Variants in B4GALNT4 observed in about 807,000 individuals in gnomAD.
The protein encoded by B4GALNT4 is beta-1,4-N-acetyl-galactosaminyltransferase 4.
B4GALNT4 carries 77 observed loss-of-function variants against 110.0 expected under a neutral mutation model. That is an observed-to-expected ratio of 0.70 (90% CI 0.58 to 0.85). The LOEUF (loss-of-function observed/expected upper bound fraction) is 0.85, where lower values mean the gene tolerates loss of function less well. B4GALNT4 is among the 40% of genes least tolerant of loss of function. B4GALNT4 has a pLI of 0.00. For synonymous variants in B4GALNT4, 785 were observed against 655.5 expected (o/e 1.20, Z -3.02); for missense variants, 1,575 against 1,506.0 (o/e 1.05, Z -0.76).
rs1250619711 is a variant in B4GALNT4, at chr11:381,800, C to T, written c.*8C>T. 19 of 1,564,006 alleles carry T rather than the reference C, an allele frequency of 1.2e-5. No individual in the cohort carries two copies. Among genetic ancestry groups the T allele is most frequent in the Non-Finnish European group, 1.6e-5 (19 of 1,160,356 alleles). ...CGCACGGGGGCGTCTTGAGGACGGG[C>T]AGCCCCTCCCAGCCCCGGTGGGAGT... is the stretch of plus-strand genomic sequence containing the variant. On this transcript the variant is annotated 3_prime_UTR_variant, in exon 20 of 20. Coordinates refer to ENST00000329962, the MANE Select transcript of B4GALNT4 (RefSeq NM_178537.5).
rs762669988 is a variant in B4GALNT4, at chr11:375,889, C to G, written c.1028C>G (p.Pro343Arg). The G allele has an allele frequency of 1.9e-6, 3 of 1,611,798 alleles. No homozygotes were observed. Among genetic ancestry groups the G allele is most frequent in the Non-Finnish European group, 1.7e-6 (2 of 1,179,492 alleles). Reference sequence around the variant, plus strand: ...TCGAGCCTGGAGAACGTGCTGGAGCCCTGCGCCTACGCCCCCACCTACGTG... The same window carrying G: ...TCGAGCCTGGAGAACGTGCTGGAGCGCTGCGCCTACGCCCCCACCTACGTG... ...ESSSLENVLE[P>R]CAYAPTYVVK... is the part of the protein sequence containing the mutation. Residue 343 changes from proline to arginine, a missense_variant, in exon 11 of 20, where the codon CCC becomes CGC. By Grantham distance (103) the Pro-to-Arg change is moderately radical (BLOSUM62 -2). Coordinates refer to ENST00000329962, the MANE Select transcript of B4GALNT4 (RefSeq NM_178537.5).
In B4GALNT4 at chr11:379,580, A is replaced by C. The variant is rs1166844708; in HGVS notation, c.2367A>C (p.Ala789=). ...LRLPGARVGD[A]DGESPEPAPA... is the part of the protein sequence containing the mutation. ...TGCCGGGAGCCCGCGTAGGGGATGC[A>C]GACGGAGAAAGTCCCGAACCCGCTC... Residue 789 remains alanine (A), a synonymous_variant, in exon 15 of 20, where the codon GCA becomes GCC. Coordinates refer to ENST00000329962, the MANE Select transcript of B4GALNT4 (RefSeq NM_178537.5). 6.3e-7 allele frequency: 1 copy of C among 1,583,614 alleles called. No homozygotes were observed.
At chr11:381,037 A>G in intron 19 of B4GALNT4, 86 bp downstream of exon 19, 1 of 1,526,340 alleles carries the variant, frequency 6.6e-7, no homozygotes, top group East Asian at 2.4e-5. Context: ...TATGCCCCCC[A>G]CGGCGCCCAC....
Position 375,700 on chromosome 11 carries a change from G to A in B4GALNT4, c.912G>A (p.Val304=), listed in dbSNP as rs368542643. Residue 304 remains valine, a synonymous_variant, in exon 10 of 20, where the codon GTG becomes GTA. Coordinates refer to ENST00000329962, the MANE Select transcript of B4GALNT4 (RefSeq NM_178537.5). The part of the protein sequence containing the change: ...AHVPQSPASH[V]GGRPPQEETS... ...TCCCCCAGTCTCCAGCCAGCCACGTGGGGGGGCGTCCGCCGCAGGAGGAGA... is the reference window on the plus strand; with the variant it reads ...TCCCCCAGTCTCCAGCCAGCCACGTAGGGGGGCGTCCGCCGCAGGAGGAGA... The A allele has an allele frequency of 1.2e-3, 1,922 of 1,593,528 alleles. 44 individuals carry two copies. The South Asian group carries it at 0.02, about 17-fold the overall frequency.
rs748499081 is a variant in B4GALNT4 at position 376,847 on chromosome 11, ACGGCCGCAGGACCGG to A, written c.1730_1744del (p.Arg577_Gly581del). Reference sequence around the variant, plus strand: ...GCGCCCCCACGCCCACCCCGGCCCCACGGCCGCAGGACCGGCGGCCCCCAGGCCACACAGCCGAGG... The same window carrying A: ...GCGCCCCCACGCCCACCCCGGCCCCACGGCCCCCAGGCCACACAGCCGAGG... On this transcript the variant is annotated inframe_deletion, in exon 14 of 20. Transcript: ENST00000329962. 8.3e-6 allele frequency: 11 copies of A among 1,326,282 alleles called. No individual in the cohort carries two copies. The East Asian group carries it at 3.4e-4, about 41-fold the overall frequency. The allele number at this position is 1,326,282 out of a possible 1,614,324, so 82.2% of individuals were successfully genotyped here.
intron 6 of B4GALNT4, 41 bp from the exon 7 acceptor site, chr11:373,408 A>ACCC (rs376849299): frequency 3.3e-4 from 264 of 808,684 alleles, no homozygotes; most frequent in Admixed American, 1.3e-3. Context: ...GAGAGAGTGA[A>ACCC]CCCCCCCCCC....
In B4GALNT4 at chr11:373,505, C is replaced by T. The variant is rs1338378544; in HGVS notation, c.693C>T (p.Ser231=). 4 of 1,611,300 alleles carry T rather than the reference C, an allele frequency of 2.5e-6. No homozygotes were observed. The highest frequency in any genetic ancestry group is 3.4e-6 in the Non-Finnish European group (4 of 1,179,608). The change falls in exon 7 of 20, where the codon TCC becomes TCT. Residue 231 remains serine, a synonymous_variant. Transcript: ENST00000329962. ...TCACCAAGTTCAGCTCCCAGGTGTC[C>T]AAGCCCAGGCGGTGAGTGACTGTGG... ...GEFTKFSSQV[S]KPRRLMASRR...
intron 8 of B4GALNT4, 59 bp from the exon 9 acceptor site, chr11:375,401 CT>C (rs761481831): frequency 4.8e-5 from 75 of 1,567,580 alleles, no homozygotes; most frequent in Non-Finnish European, 6.1e-5. Context: ...AGGGTAGACC[CT>C]TTCTTCCCTG....
chr11:372,573 G>GA, intron 2 of B4GALNT4, 89 bp from the exon 3 acceptor site: 1 of 1,131,922 alleles, frequency 8.8e-7, no homozygotes, highest in Non-Finnish European at 1.3e-6. Flanking sequence ...ATACATGTTG[G>GA]AAGGGGTCTT....
At chr11:372,306 G>T (rs1268540654) in intron 2 of B4GALNT4, 94 bp downstream of exon 2, 2 of 1,168,510 alleles carry the variant, frequency 1.7e-6, no homozygotes, top group Non-Finnish European at 2.5e-6. Flanking sequence ...CATTCTGGAG[G>T]ACGCAGCAGG....
chr11:372,813 C>T (rs747986681), intron 3 of B4GALNT4, 39 bp from the exon 4 acceptor site: 301 of 1,074,352 alleles, frequency 2.8e-4, no homozygotes, highest in Non-Finnish European at 3.5e-4. Context: ...GGCGGGGGGG[C>T]GGCGGGCCGT....
chr11:377,405 G>A (rs1846781799), intron 14 of B4GALNT4, 78 bp downstream of exon 14: 4 of 1,394,800 alleles, frequency 2.9e-6, no homozygotes, highest in East Asian at 2.8e-5. Flanking sequence ...TGGCCTTGGC[G>A]GACTCCTCAG....
At position 369,524 on chromosome 11, in the gene B4GALNT4, T is replaced by C. The variant is rs1236847992; in HGVS notation, c.-280T>C. ...GATCCGCGGTGGCAGCCGTGGATGC[T>C]GTTCGGTCCCGCCGCCGCCCCAGGA... On this transcript the variant is annotated 5_prime_UTR_variant, in exon 1 of 20. Transcript: ENST00000329962. Among the ~76,000 whole-genome samples, 1 of 133,646 alleles carries C rather than the reference T, an allele frequency of 7.5e-6. No individual in the cohort carries two copies. Among genetic ancestry groups the C allele is most frequent in the Non-Finnish European group, 1.6e-5 (1 of 62,274 alleles). 87.7% of individuals were successfully genotyped at this position (133,646 alleles called of 152,430 possible).
chr11:377,419 T>A, intron 14 of B4GALNT4, 92 bp downstream of exon 14: 1 of 1,330,216 alleles, frequency 7.5e-7, no homozygotes, highest in Non-Finnish European at 9.8e-7. Context: ...TCCTCAGACC[T>A]TCCCCAGGGC....
chr11:374,745 A>G (rs1198472320), intron 8 of B4GALNT4, among the ~76,000 whole-genome samples: 1 of 442 alleles, frequency 2.3e-3, no homozygotes, highest in South Asian at 0.1. Context: ...GGGAGGGAGG[A>G]GGAAGGGAGG....
intron 13 of B4GALNT4, 28 bp downstream of exon 13, chr11:376,379 C>T (rs1846752997): frequency 1.2e-6 from 2 of 1,603,818 alleles, no homozygotes; most frequent in Admixed American, 1.7e-5. Flanking sequence ...CCCTGGCCCG[C>T]ACCCACCTGC....
intron 1 of B4GALNT4, among the ~76,000 whole-genome samples, chr11:370,455 G>A (rs551730832): frequency 5.3e-5 from 8 of 152,178 alleles, no homozygotes; most frequent in Admixed American, 2.0e-4. Flanking sequence ...CGGCGGGGGC[G>A]CCTTCGGTGA....
chr11:381,952 C>A lies in B4GALNT4; in HGVS notation c.*160C>A. The A allele has an allele frequency of 1.2e-6, 1 of 842,570 alleles. No individual in the cohort carries two copies. Among genetic ancestry groups the A allele is most frequent in the Non-Finnish European group, 1.7e-6 (1 of 600,780 alleles). The allele number at this position is 842,570 out of a possible 1,614,324, so 52.2% of individuals were successfully genotyped here. A position where few individuals can be genotyped will look rare whatever the true frequency, so the allele number is the denominator to read the frequency against. ...GCCCACTGGGCGTCGTGCCCCTCCC[C>A]GGAGAGGCAGCCTTCACGGCGGGTC... On this transcript the variant is annotated 3_prime_UTR_variant, in exon 20 of 20. Transcript: ENST00000329962.
At position 376,869 on chromosome 11, in the gene B4GALNT4, C is replaced by G. The variant is rs781456274; in HGVS notation, c.1746C>G (p.Pro582=). The G allele has an allele frequency of 7.5e-7, 1 of 1,330,730 alleles. No individual in the cohort carries two copies. The highest frequency in any genetic ancestry group is 1.6e-5 in the African/African-American group (1 of 64,278). The allele number at this position is 1,330,730 out of a possible 1,614,324, so 82.4% of individuals were successfully genotyped here. A position where few individuals can be genotyped will look rare whatever the true frequency, so the allele number is the denominator to read the frequency against. ...PRPHGRRTGG[P]QATQPRPPAR... ...CCCACGGCCGCAGGACCGGCGGCCC[C>G]CAGGCCACACAGCCGAGGCCCCCAG... is the stretch of plus-strand genomic sequence containing the variant. The change falls in exon 14 of 20, where the codon CCC becomes CCG. Residue 582 remains proline, a synonymous_variant. Transcript: ENST00000329962.
Sources: gnomAD v4.1 joint callset for allele counts (sites outside exome capture counted in the v4.1 genomes callset) on GRCh38, gnomAD v4.1.1 for gene constraint, MANE v1.5 for transcripts, NCBI Gene and HGNC (gene_info 2026-07-23, HGNC 2026-07-21) for gene names.